Variants in ROBO2 observed in about 807,000 individuals in gnomAD.
ROBO2 encodes roundabout guidance receptor 2.
Under a neutral mutation model 160.8 loss-of-function variants are expected in ROBO2, and 53 were observed. That is an observed-to-expected ratio of 0.33 (90% CI 0.26 to 0.41). The LOEUF (loss-of-function observed/expected upper bound fraction) is 0.41, where lower values mean the gene tolerates loss of function less well. Ranked by LOEUF, ROBO2 falls within the 10% of genes least tolerant of loss-of-function variation. The pLI is 1.00. For missense variants in ROBO2, 1,577 were observed against 1,722.4 expected (o/e 0.92, Z 1.49); for synonymous variants, 664 against 611.7 (o/e 1.09, Z -1.26).
chr3:77,217,058 C>A (rs550216072), intron 2 of ROBO2, among the ~76,000 whole-genome samples: 8 of 152,214 alleles, frequency 5.3e-5, no homozygotes, highest in African/African-American at 1.9e-4. Context: ...GTAAAGCTGA[C>A]ACCCATACAT....
intron 2 of ROBO2, among the ~76,000 whole-genome samples, chr3:76,295,703 TA>T (rs1300155464): frequency 2.0e-5 from 3 of 152,128 alleles, no homozygotes; most frequent in Non-Finnish European, 2.9e-5. Context: ...AAGAAAACAT[TA>T]AAATGGATGA....
At chr3:77,575,858 C>T (rs1424588812) in intron 14 of ROBO2, among the ~76,000 whole-genome samples, 1 of 152,112 alleles carries the variant, frequency 6.6e-6, no homozygotes, top group Non-Finnish European at 1.5e-5. Flanking sequence ...AAATCAATTT[C>T]ACTGCAGTTA....
intron 2 of ROBO2, among the ~76,000 whole-genome samples, chr3:77,467,791 A>G (rs1386935483): frequency 6.6e-6 from 1 of 151,990 alleles, no homozygotes; most frequent in Non-Finnish European, 1.5e-5. Context: ...CTTAATTTTA[A>G]GTTGACTGTA....
At chr3:77,245,377 C>A (rs146298462) in intron 2 of ROBO2, among the ~76,000 whole-genome samples, 183 of 152,226 alleles carry the variant, frequency 1.2e-3, no homozygotes, top group African/African-American at 4.3e-3. Flanking sequence ...TGCCCAGTGA[C>A]ATTTGTTAGG....
chr3:77,589,410 C>G (rs1031691447), intron 17 of ROBO2, among the ~76,000 whole-genome samples: 1 of 151,870 alleles, frequency 6.6e-6, no homozygotes, highest in Non-Finnish European at 1.5e-5. Context: ...TACTGACAAG[C>G]AAAAATCTCA....
intron 2 of ROBO2, among the ~76,000 whole-genome samples, chr3:75,999,469 ATTTAT>A (rs1559818695): frequency 6.6e-6 from 1 of 152,120 alleles, no homozygotes; most frequent in African/African-American, 2.4e-5. Context: ...CCCTTTTAGT[ATTTAT>A]TTTATTTAGA....
chr3:76,420,602 A>G (rs141778579), intron 2 of ROBO2, among the ~76,000 whole-genome samples: 1,649 of 152,312 alleles, frequency 0.011, 26 homozygotes, highest in African/African-American at 0.037. Flanking sequence ...ATGCACATAT[A>G]ATTTTATATA....
intron 6 of ROBO2, among the ~76,000 whole-genome samples, chr3:77,542,769 C>A (rs1387247647): frequency 6.6e-6 from 1 of 152,136 alleles, no homozygotes; most frequent in Non-Finnish European, 1.5e-5. Flanking sequence ...GGATTCTCTG[C>A]CCCAACTTGT....
At chr3:76,588,826 T>G (rs543339086) in intron 2 of ROBO2, among the ~76,000 whole-genome samples, 1 of 152,342 alleles carries the variant, frequency 6.6e-6, no homozygotes, top group African/African-American at 2.4e-5. Context: ...TTTATCCAAG[T>G]GAATATGTAG....
At chr3:76,340,086 A>C in intron 2 of ROBO2, among the ~76,000 whole-genome samples, 1 of 6,218 alleles carries the variant, frequency 1.6e-4, no homozygotes, top group African/African-American at 1.7e-4. Context: ...AACCAATTGC[A>C]AAAAAAAAAA....
At chr3:75,933,437 A>G (rs1266199688) in intron 1 of ROBO2, among the ~76,000 whole-genome samples, 4 of 152,186 alleles carry the variant, frequency 2.6e-5, no homozygotes, top group Non-Finnish European at 5.9e-5. Context: ...GCACAGCCCA[A>G]GTTTCACTGG....
intron 2 of ROBO2, among the ~76,000 whole-genome samples, chr3:76,982,025 G>A (rs527692846): frequency 4.6e-5 from 7 of 152,040 alleles, no homozygotes; most frequent in Non-Finnish European, 1.0e-4. Flanking sequence ...ATTTGGGCAG[G>A]GATAAATATC....
chr3:76,663,038 G>A (rs1361076901), intron 2 of ROBO2, among the ~76,000 whole-genome samples: 3 of 152,172 alleles, frequency 2.0e-5, no homozygotes, highest in African/African-American at 7.2e-5. Context: ...CAGAAAAGAA[G>A]TGTGGTTAGT....
chr3:76,319,705 A>G (rs940166815), intron 2 of ROBO2, among the ~76,000 whole-genome samples: 2 of 151,664 alleles, frequency 1.3e-5, no homozygotes, highest in African/African-American at 4.8e-5. Context: ...TGGATGATTC[A>G]TGCTGATTTT....
chr3:77,035,125 C>T (rs1246235719), upstream of ROBO2, among the ~76,000 whole-genome samples: 2 of 151,756 alleles, frequency 1.3e-5, no homozygotes, highest in Admixed American at 1.3e-4. Context: ...AAATCATTAG[C>T]CTAGTATAGA....
At chr3:76,215,320 T>C (rs1703433640) in intron 2 of ROBO2, among the ~76,000 whole-genome samples, 1 of 152,134 alleles carries the variant, frequency 6.6e-6, no homozygotes. Context: ...AGAATGACTT[T>C]GATGGGTTGA....
intron 2 of ROBO2, among the ~76,000 whole-genome samples, chr3:76,670,032 AGT>A (rs2092204717): frequency 6.6e-6 from 1 of 152,170 alleles, no homozygotes; most frequent in Non-Finnish European, 1.5e-5. Context: ...AGCTGAATAT[AGT>A]AAGTGTCTTA....
At chr3:77,503,692 A>G (rs1054104768) in intron 5 of ROBO2, among the ~76,000 whole-genome samples, 2 of 152,122 alleles carry the variant, frequency 1.3e-5, no homozygotes, top group Non-Finnish European at 1.5e-5. Context: ...TTATGAGTTA[A>G]CAGGTAGGAC....
intron 2 of ROBO2, among the ~76,000 whole-genome samples, chr3:77,115,217 A>C (rs979392280): frequency 6.6e-6 from 1 of 152,176 alleles, no homozygotes; most frequent in African/African-American, 2.4e-5. Context: ...CTTTAATAAA[A>C]TAAAATATAA....
Sources: allele counts gnomAD v4.1 joint callset (sites outside exome capture counted in the v4.1 genomes callset), GRCh38; gene constraint gnomAD v4.1.1; transcripts MANE v1.5; gene names NCBI Gene and HGNC (gene_info 2026-07-23, HGNC 2026-07-21).